The following P3H2 variants were observed in gnomAD, a reference collection of about 807,000 sequenced individuals.
The protein encoded by P3H2 is leprecan-like 1.
A neutral mutation model predicts 87.0 loss-of-function variants in P3H2; 80 were observed. The observed-to-expected ratio is 0.92, with a 90% confidence interval of 0.77 to 1.11. P3H2 has a LOEUF of 1.11. Ranked by LOEUF, P3H2 falls within the 50% of genes least tolerant of loss-of-function variation. The pLI is 0.00. For synonymous variants in P3H2, 367 were observed against 359.3 expected, an observed-to-expected ratio of 1.02 and a Z score of -0.24; for missense variants, 1,001 against 923.9, an observed-to-expected ratio of 1.08 and a Z score of -1.08.
chr3:190,053,191 A>C (rs1453219315), intron 1 of P3H2, among the ~76,000 whole-genome samples: 1 of 152,164 alleles, frequency 6.6e-6, no homozygotes, highest in Admixed American at 6.5e-5. Flanking sequence ...ATCACAAATA[A>C]ATTTTCTAAA....
rs115857659 is a variant in P3H2, at chr3:190,060,127, A to G, written c.480+60125T>C. ...TGAAAAATACCCAGGTTTTGTAACA[A>G]ATAGCTGAAAGTGTTTGTCCTGAAG... On this transcript the variant is annotated intron_variant, in intron 1 of 14. Coordinates refer to ENST00000319332, the MANE Select transcript of P3H2 (RefSeq NM_018192.4). Among the ~76,000 whole-genome samples the G allele has an allele frequency of 7.6e-3, 1,157 of 152,320 alleles. 8 individuals are homozygous for G. The highest frequency in any genetic ancestry group is 0.027 in the Middle Eastern group (8 of 294).
At chr3:190,039,138 G>C (rs547479333) in intron 1 of P3H2, among the ~76,000 whole-genome samples, 1 of 148,704 alleles carries the variant, frequency 6.7e-6, no homozygotes, top group Non-Finnish European at 1.5e-5. Context: ...GCGGTGAGCC[G>C]AGATCACACC....
intron 1 of P3H2, among the ~76,000 whole-genome samples, chr3:190,089,679 T>C (rs2108984889): frequency 6.6e-6 from 1 of 152,312 alleles, no homozygotes; most frequent in South Asian, 2.1e-4. Flanking sequence ...GTCATGGGCA[T>C]CTGAGACATG....
intron 1 of P3H2, among the ~76,000 whole-genome samples, chr3:190,068,961 C>T (rs915052141): frequency 2.6e-5 from 4 of 152,020 alleles, no homozygotes; most frequent in African/African-American, 4.8e-5. Context: ...CGTTTGCTAT[C>T]GATACCATCC....
chr3:190,117,601 C>A (rs1712340236), intron 1 of P3H2, among the ~76,000 whole-genome samples: 1 of 151,850 alleles, frequency 6.6e-6, no homozygotes, highest in South Asian at 2.1e-4. Flanking sequence ...GCCCTAGAAT[C>A]CAGACCTGTC....
intron 1 of P3H2, among the ~76,000 whole-genome samples, chr3:190,114,816 T>G (rs944654336): frequency 6.6e-6 from 1 of 152,216 alleles, no homozygotes; most frequent in Non-Finnish European, 1.5e-5. Context: ...TTCAAGAAGA[T>G]ATGAAATCAA....
intron 13 of P3H2, among the ~76,000 whole-genome samples, chr3:189,966,033 G>A (rs943293680): frequency 7.3e-6 from 1 of 137,760 alleles, no homozygotes; most frequent in Non-Finnish European, 1.6e-5. Flanking sequence ...AAAAGAGAGA[G>A]AGAAAGAAAG....
At position 190,120,865 on chromosome 3, in the gene P3H2, A is replaced by T. The variant is rs988813635; in HGVS notation, c.-134T>A. 7.3e-7 allele frequency: 1 copy of T among 1,366,554 alleles called. No homozygotes were observed. The highest frequency in any genetic ancestry group is 9.5e-7 in the Non-Finnish European group (1 of 1,049,038). The allele number at this position is 1,366,554 out of a possible 1,614,324, so 84.7% of individuals were successfully genotyped here. On this transcript the variant is annotated 5_prime_UTR_variant, in exon 1 of 15. Coordinates refer to ENST00000319332, the MANE Select transcript of P3H2 (RefSeq NM_018192.4). ...GCGATCTGGCCGCTCCGCGAGCCCC[A>T]GGTGACCGCCGGCGCTCCGCGTACT... is the stretch of plus-strand genomic sequence containing the variant.
rs1723293221 is a variant in P3H2 at position 189,974,652 on chromosome 3, A to ACT, written c.1357_1358insAG (p.Val453GlufsTer8). On this transcript the variant is annotated frameshift_variant, in exon 9 of 15. Transcript: ENST00000319332. LOFTEE classifies it high-confidence loss of function. ...CCCGTTCAGCTGCTCCGAGTTGTAG[A>ACT]CGAATGTGATGTTCTCATAGAGTAG... 1 of 1,614,098 alleles carries ACT rather than the reference A, an allele frequency of 6.2e-7. No homozygotes were observed. Among genetic ancestry groups the ACT allele is most frequent in the African/African-American group, 1.3e-5 (1 of 74,942 alleles).
At chr3:190,113,876 G>A (rs1577330463) in intron 1 of P3H2, among the ~76,000 whole-genome samples, 1 of 152,070 alleles carries the variant, frequency 6.6e-6, no homozygotes. Flanking sequence ...GGGAGTTCGA[G>A]ACCATCCTGG....
intron 1 of P3H2, among the ~76,000 whole-genome samples, chr3:190,045,992 G>A (rs1400228262): frequency 7.9e-5 from 12 of 152,148 alleles, no homozygotes; most frequent in Admixed American, 3.3e-4. Flanking sequence ...CCGTGGTGGC[G>A]GGCGCCTGTG....
At chr3:189,969,720 C>A in intron 13 of P3H2, 1 of 1,490,160 alleles carries the variant, frequency 6.7e-7, no homozygotes, top group Non-Finnish European at 9.4e-7. Context: ...TTTATCTTCC[C>A]CAAAATTAAG....
chr3:190,013,538 G>T (rs1724659747), intron 1 of P3H2, among the ~76,000 whole-genome samples: 1 of 152,240 alleles, frequency 6.6e-6, no homozygotes, highest in African/African-American at 2.4e-5. Flanking sequence ...ACAAGTGGAT[G>T]TGTCTTCCTG....
chr3:190,092,677 T>C (rs1199315523), intron 1 of P3H2, among the ~76,000 whole-genome samples: 1 of 152,260 alleles, frequency 6.6e-6, no homozygotes, highest in African/African-American at 2.4e-5. Flanking sequence ...TACTGGTATG[T>C]GCCCTTTTAT....
At chr3:190,092,106 A>G (rs1727426153) in intron 1 of P3H2, among the ~76,000 whole-genome samples, 1 of 151,946 alleles carries the variant, frequency 6.6e-6, no homozygotes, top group African/African-American at 2.4e-5. Context: ...GGTGGTGGAC[A>G]CCTGTAGTCC....
chr3:190,038,523 C>G (rs1020200557), intron 1 of P3H2, among the ~76,000 whole-genome samples: 3 of 126,960 alleles, frequency 2.4e-5, no homozygotes, highest in Non-Finnish European at 5.1e-5. Context: ...GAAACCCAAA[C>G]AGGAGTAGAA....
At chr3:190,097,916 T>C (rs1429344034) in intron 1 of P3H2, among the ~76,000 whole-genome samples, 1 of 152,178 alleles carries the variant, frequency 6.6e-6, no homozygotes, top group Non-Finnish European at 1.5e-5. Flanking sequence ...GTCTGCACTA[T>C]CCATGTCTAA....
At chr3:190,102,734 T>C (rs756946223) in intron 1 of P3H2, among the ~76,000 whole-genome samples, 8 of 152,338 alleles carry the variant, frequency 5.3e-5, no homozygotes, top group East Asian at 1.9e-4. Flanking sequence ...TTTGAGAGAA[T>C]TGACCACTTT....
intron 1 of P3H2, among the ~76,000 whole-genome samples, chr3:190,011,250 CAACAGAGCAAGACTCCATCTCCAA>C (rs2108934497): frequency 7.2e-6 from 1 of 139,078 alleles, no homozygotes; most frequent in Non-Finnish European, 1.5e-5. Flanking sequence ...TGCAGCCTGG[CAACAGAGCAAGACTCCATCTCCAA>C]AAAAAAAAAA....
Sources: allele counts gnomAD v4.1 joint callset (sites outside exome capture counted in the v4.1 genomes callset), GRCh38; gene constraint gnomAD v4.1.1; transcripts MANE v1.5; gene names NCBI Gene and HGNC (gene_info 2026-07-23, HGNC 2026-07-21).